The following PLA2G5 variants were observed in gnomAD, a reference collection of about 807,000 sequenced individuals.
PLA2G5 encodes Ca2+-dependent phospholipase A2.
Under a neutral mutation model 15.9 loss-of-function variants are expected in PLA2G5, and 12 were observed. The observed-to-expected ratio is 0.76, with a 90% confidence interval of 0.48 to 1.23. The LOEUF (loss-of-function observed/expected upper bound fraction) is 1.23. Among genes scored for constraint, PLA2G5 ranks in the 50% most tolerant of loss-of-function variants. The probability of loss-of-function intolerance (pLI) is 0.00; values close to 1 mark genes in which losing one functional copy is unlikely to be tolerated. For missense variants in PLA2G5, 169 were observed against 177.1 expected (o/e 0.95, Z 0.26); for synonymous variants, 71 against 71.4 (o/e 0.99, Z 0.03).
intron 1 of PLA2G5, among the ~76,000 whole-genome samples, chr1:20,077,467 G>A (rs1054627848): frequency 3.9e-5 from 6 of 152,130 alleles, no homozygotes; most frequent in African/African-American, 1.4e-4. Flanking sequence ...CATTCACTCA[G>A]CAAACTCTTA....
intron 1 of PLA2G5, among the ~76,000 whole-genome samples, chr1:20,040,895 T>C (rs1198261180): frequency 6.6e-6 from 1 of 152,210 alleles, no homozygotes; most frequent in Non-Finnish European, 1.5e-5. Flanking sequence ...ACCTAAGACC[T>C]GGAAGCCCCC....
intron 1 of PLA2G5, among the ~76,000 whole-genome samples, chr1:20,036,968 T>A (rs1280187184): frequency 6.6e-6 from 1 of 152,188 alleles, no homozygotes. Context: ...CCTGGCCTTT[T>A]AAAAATTTCT....
chr1:20,062,478 C>G (rs1049462285), intron 2 of PLA2G5, among the ~76,000 whole-genome samples: 17 of 152,176 alleles, frequency 1.1e-4, no homozygotes, highest in Non-Finnish European at 2.5e-4. Flanking sequence ...CAAGTCCCCA[C>G]TTCTGTCCTC....
intron 1 of PLA2G5, among the ~76,000 whole-genome samples, chr1:20,034,842 G>T (rs2013160668): frequency 6.6e-6 from 1 of 152,116 alleles, no homozygotes; most frequent in African/African-American, 2.4e-5. Flanking sequence ...CCTGGTGACT[G>T]GGAAGACCTC....
chr1:20,090,821 G>A lies in PLA2G5; in HGVS notation c.*129G>A, dbSNP rs923247713. On this transcript the variant is annotated 3_prime_UTR_variant, in exon 5 of 5. Coordinates refer to ENST00000375108, the MANE Select transcript of PLA2G5 (RefSeq NM_000929.3). Reference sequence around the variant, plus strand: ...ACCTCAGTCTTTCTCGAAGCTTGGCGGACCCCCAGGGCCACACTGTACCCT... The same window carrying A: ...ACCTCAGTCTTTCTCGAAGCTTGGCAGACCCCCAGGGCCACACTGTACCCT... 6.3e-5 allele frequency: 59 copies of A among 930,256 alleles called. No homozygotes were observed. Among genetic ancestry groups the A allele is most frequent in the Admixed American group, 1.2e-4 (6 of 52,056 alleles). The allele number at this position is 930,256 out of a possible 1,614,324, so 57.6% of individuals were successfully genotyped here.
At chr1:20,085,990 T>C in intron 2 of PLA2G5, 93 bp from the exon 3 acceptor site, 1 of 1,351,106 alleles carries the variant, frequency 7.4e-7, no homozygotes, top group Non-Finnish European at 1.0e-6. Context: ...CTCCAAGCCC[T>C]GGGTGGGAGA....
intron 1 of PLA2G5, among the ~76,000 whole-genome samples, chr1:20,055,214 A>G (rs61019331): frequency 0.098 from 14,941 of 152,190 alleles, 1,177 homozygotes; most frequent in African/African-American, 0.22. Flanking sequence ...ACACAGTCAC[A>G]GAATATTGTG....
At chr1:20,081,652 G>C (rs2016033192) in intron 1 of PLA2G5, among the ~76,000 whole-genome samples, 1 of 151,810 alleles carries the variant, frequency 6.6e-6, no homozygotes, top group Admixed American at 6.5e-5. Flanking sequence ...TTTAGGGCAG[G>C]AGAAACCTTG....
At chr1:20,088,568 C>G (rs868154004) in intron 3 of PLA2G5, among the ~76,000 whole-genome samples, 1 of 151,716 alleles carries the variant, frequency 6.6e-6, no homozygotes, top group Non-Finnish European at 1.5e-5. Context: ...ACATGGGTCT[C>G]ATACTAATAT....
chr1:20,041,822 G>A lies in PLA2G5; in HGVS notation n.276+13113G>A, dbSNP rs946274664. 3.9e-5 allele frequency among the ~76,000 whole-genome samples: 6 copies of A among 152,142 alleles called. No individual in the cohort carries two copies. In the South Asian group the frequency reaches 1.2e-3, roughly 32 times the overall value. ...GGGGGAGTAGGTGGGAGTGACCAAAGAGAAGGAGAAAAACTGGCAGTGAGG... is the reference window on the plus strand; with the variant it reads ...GGGGGAGTAGGTGGGAGTGACCAAAAAGAAGGAGAAAAACTGGCAGTGAGG... On this transcript the variant is annotated intron_variant and non_coding_transcript_variant, in intron 1 of 6. Transcript: ENST00000460175.
rs2016530597 is a variant in PLA2G5 at position 20,090,741 on chromosome 1, T to C, written c.*49T>C. 1 of 1,596,200 alleles carries C rather than the reference T, an allele frequency of 6.3e-7. No homozygotes were observed. The highest frequency in any genetic ancestry group is 1.1e-5 in the South Asian group (1 of 90,610). On this transcript the variant is annotated 3_prime_UTR_variant, in exon 5 of 5. Coordinates refer to ENST00000375108, the MANE Select transcript of PLA2G5 (RefSeq NM_000929.3). ...GACCAAGACTTTTGTTCTGTTTTTC[T>C]ACAACACAGAGTACTGACTCTGCCT...
At chr1:20,045,439 G>A (rs1349282819) in intron 1 of PLA2G5, among the ~76,000 whole-genome samples, 1 of 151,766 alleles carries the variant, frequency 6.6e-6, no homozygotes, top group East Asian at 1.9e-4. Context: ...ATGAAGGGAA[G>A]ACTGTCTTCC....
At chr1:20,071,786 C>A (rs1404285962) in intron 1 of PLA2G5, among the ~76,000 whole-genome samples, 4 of 152,152 alleles carry the variant, frequency 2.6e-5, no homozygotes, top group Admixed American at 6.5e-5. Flanking sequence ...ACCTCCCCAG[C>A]AAGACCTTTC....
At chr1:20,069,060 A>G (rs1481365561), upstream of PLA2G5, 3 of 555,346 alleles carry the variant, frequency 5.4e-6, no homozygotes, top group Non-Finnish European at 9.5e-6. Context: ...CAGTTGCACC[A>G]ACAGCTAGGG....
intron 1 of PLA2G5, among the ~76,000 whole-genome samples, chr1:20,072,821 T>C: frequency 6.6e-6 from 1 of 152,236 alleles, no homozygotes; most frequent in Non-Finnish European, 1.5e-5. Context: ...TTCAGTGTTA[T>C]TCTAGACGTG....
At chr1:20,066,372 G>A (rs957318143), upstream of PLA2G5, among the ~76,000 whole-genome samples, 3 of 152,088 alleles carry the variant, frequency 2.0e-5, no homozygotes, top group Non-Finnish European at 4.4e-5. Context: ...TGTGACTTTT[G>A]TATTGTTCAC....
chr1:20,042,398 A>G (rs2013651315), intron 1 of PLA2G5, among the ~76,000 whole-genome samples: 1 of 152,132 alleles, frequency 6.6e-6, no homozygotes, highest in African/African-American at 2.4e-5. Flanking sequence ...GGTATTAGGA[A>G]TAATGTGGGG....
chr1:20,072,698 G>A (rs1272353404), intron 1 of PLA2G5, among the ~76,000 whole-genome samples: 2 of 152,166 alleles, frequency 1.3e-5, no homozygotes, highest in African/African-American at 4.8e-5. Context: ...CTGTTACAGA[G>A]GTTAGGAAGA....
At chr1:20,068,846 G>T, upstream of PLA2G5, 2 of 732,992 alleles carry the variant, frequency 2.7e-6, no homozygotes, top group South Asian at 3.2e-5. Flanking sequence ...TTGTTGTCTT[G>T]TTTTCCAATG....
Sources: gnomAD v4.1 joint callset for allele counts (sites outside exome capture counted in the v4.1 genomes callset) on GRCh38, gnomAD v4.1.1 for gene constraint, MANE v1.5 for transcripts, NCBI Gene and HGNC (gene_info 2026-07-23, HGNC 2026-07-21) for gene names.